The following CPQ variants were observed in gnomAD, a reference collection of about 807,000 sequenced individuals.
CPQ encodes Ser-Met dipeptidase.
Under a neutral mutation model 45.7 loss-of-function variants are expected in CPQ, and 37 were observed. That is an observed-to-expected ratio of 0.81 (90% CI 0.62 to 1.07). The LOEUF (loss-of-function observed/expected upper bound fraction) is 1.07, where lower values mean the gene tolerates loss of function less well. Among genes scored for constraint, CPQ ranks in the 50% least tolerant of loss-of-function variants. CPQ has a pLI of 0.00. For missense variants in CPQ, 537 were observed against 572.9 expected (o/e 0.94, Z 0.64); for synonymous variants, 186 against 205.8 (o/e 0.90, Z 0.82).
chr8:97,062,804 C>T (rs1449968974), intron 6 of CPQ, among the ~76,000 whole-genome samples: 1 of 152,178 alleles, frequency 6.6e-6, no homozygotes, highest in Non-Finnish European at 1.5e-5. Context: ...AGGACATGAT[C>T]TCATTATTTT....
chr8:96,785,479 A>AT, intron 2 of CPQ, 149 bp downstream of exon 2: 2 of 650,104 alleles, frequency 3.1e-6, no homozygotes, highest in Non-Finnish European at 5.0e-6. Context: ...TTGTCCTCCC[A>AT]TTTTTTACTT....
chr8:96,705,515 A>C (rs1460702276), intron 1 of CPQ, among the ~76,000 whole-genome samples: 1 of 152,152 alleles, frequency 6.6e-6, no homozygotes, highest in African/African-American at 2.4e-5. Flanking sequence ...AGCAGATGGG[A>C]AACTTTTTGA....
intron 2 of CPQ, among the ~76,000 whole-genome samples, chr8:96,799,465 T>TTC (rs1200340281): frequency 6.6e-6 from 1 of 152,160 alleles, no homozygotes; most frequent in African/African-American, 2.4e-5. Context: ...GTATTTTTTT[T>TTC]TTAGGGCTTA....
chr8:96,675,170 A>ATGTAGTGAAATGTAG (rs1809059490), intron 1 of CPQ, among the ~76,000 whole-genome samples: 1 of 152,106 alleles, frequency 6.6e-6, no homozygotes, highest in Non-Finnish European at 1.5e-5. Flanking sequence ...ATGTAGTGAA[A>ATGTAGTGAAATGTAG]TGTAAGTTTC....
At position 96,673,531 on chromosome 8, in the gene CPQ, G is replaced by GT. The variant is rs199587940; in HGVS notation, c.-35+28131dup. Reference sequence around the variant, plus strand: ...TTTCATCTGATACCGGAAGGGGTGTGTTGTAAAGGGAGTAGCCTCTGATAC... The same window carrying GT: ...TTTCATCTGATACCGGAAGGGGTGTGTTTGTAAAGGGAGTAGCCTCTGATAC... On this transcript the variant is annotated intron_variant, in intron 1 of 7. Transcript: ENST00000220763. 1.1e-4 allele frequency among the ~76,000 whole-genome samples: 17 copies of GT among 152,250 alleles called. No individual in the cohort carries two copies. The East Asian group carries it at 2.9e-3, about 26-fold the overall frequency.
At chr8:97,045,174 A>G (rs527417501) in intron 6 of CPQ, among the ~76,000 whole-genome samples, 3 of 152,230 alleles carry the variant, frequency 2.0e-5, no homozygotes, top group East Asian at 3.9e-4. Context: ...TTTTTACCTA[A>G]GCAAGCCTGG....
Position 96,944,078 on chromosome 8 carries a change from T to G in CPQ, c.850-21857T>G, listed in dbSNP as rs137931980. 1.8e-3 allele frequency among the ~76,000 whole-genome samples: 275 copies of G among 152,314 alleles called. 1 individual carries two copies. Among genetic ancestry groups the G allele is most frequent in the African/African-American group, 6.4e-3 (266 of 41,576 alleles). Reference sequence around the variant, plus strand: ...AGGCTGGCTTCAATCTCTCTGGAGTTATACAGCCCTTCTGTTAGTCCTGGT... The same window carrying G: ...AGGCTGGCTTCAATCTCTCTGGAGTGATACAGCCCTTCTGTTAGTCCTGGT... On this transcript the variant is annotated intron_variant, in intron 4 of 7. Coordinates refer to ENST00000220763, the MANE Select transcript of CPQ (RefSeq NM_016134.4).
chr8:96,780,633 A>C (rs1810673197), intron 1 of CPQ, among the ~76,000 whole-genome samples: 1 of 151,894 alleles, frequency 6.6e-6, no homozygotes, highest in Admixed American at 6.6e-5. Context: ...AATCAGGTGA[A>C]TATTTTACAC....
chr8:97,051,032 A>C (rs1810351816), intron 6 of CPQ, among the ~76,000 whole-genome samples: 2 of 152,310 alleles, frequency 1.3e-5, no homozygotes, highest in South Asian at 4.2e-4. Context: ...TGCCAGGGTC[A>C]TTTAGCTATT....
intron 7 of CPQ, among the ~76,000 whole-genome samples, chr8:97,069,656 G>A (rs1473993361): frequency 6.6e-6 from 1 of 152,042 alleles, no homozygotes; most frequent in Non-Finnish European, 1.5e-5. Context: ...TACTAATTAA[G>A]TTATCATTTA....
chr8:96,872,265 T>C (rs1812080572), intron 3 of CPQ, among the ~76,000 whole-genome samples: 1 of 151,958 alleles, frequency 6.6e-6, no homozygotes. Context: ...CTGATAATTC[T>C]GTGCATGAAA....
chr8:96,868,756 G>A (rs1193705305), intron 3 of CPQ, among the ~76,000 whole-genome samples: 1 of 151,600 alleles, frequency 6.6e-6, no homozygotes, highest in African/African-American at 2.4e-5. Context: ...GCTTATCATA[G>A]TTTACATACA....
At chr8:97,036,700 C>G (rs2130481065) in intron 6 of CPQ, among the ~76,000 whole-genome samples, 1 of 152,284 alleles carries the variant, frequency 6.6e-6, no homozygotes, top group Middle Eastern at 3.4e-3. Flanking sequence ...AACTGGATTT[C>G]TGGCATTTGT....
chr8:96,832,577 C>G (rs1239393428), intron 2 of CPQ, among the ~76,000 whole-genome samples: 1 of 152,046 alleles, frequency 6.6e-6, no homozygotes, highest in South Asian at 2.1e-4. Flanking sequence ...CAGATATGTC[C>G]CAGGTACTCT....
intron 3 of CPQ, among the ~76,000 whole-genome samples, chr8:96,839,202 T>C (rs1454654121): frequency 6.6e-6 from 1 of 152,116 alleles, no homozygotes; most frequent in East Asian, 1.9e-4. Context: ...TGTGGTGTAA[T>C]CATCAATATC....
At chr8:96,676,255 C>T (rs1234377833) in intron 1 of CPQ, among the ~76,000 whole-genome samples, 1 of 151,994 alleles carries the variant, frequency 6.6e-6, no homozygotes, top group Non-Finnish European at 1.5e-5. Flanking sequence ...CTCTTCATCC[C>T]TCCCACTGCC....
intron 3 of CPQ, among the ~76,000 whole-genome samples, chr8:96,842,180 C>T (rs957976258): frequency 1.3e-5 from 2 of 151,984 alleles, no homozygotes; most frequent in African/African-American, 2.4e-5. Flanking sequence ...CTTGCTTTCC[C>T]CACTCCCTTT....
In CPQ at chr8:96,661,525, T is replaced by G. The variant is rs1459333421; in HGVS notation, c.-35+16123T>G. Among the ~76,000 whole-genome samples, 29 of 152,236 alleles carry G rather than the reference T, an allele frequency of 1.9e-4. 1 individual carries two copies. Among genetic ancestry groups the G allele is most frequent in the Admixed American group, 1.9e-3 (29 of 15,292 alleles). On this transcript the variant is annotated intron_variant, in intron 1 of 7. Coordinates refer to ENST00000220763, the MANE Select transcript of CPQ (RefSeq NM_016134.4). ...TTGCCCTTTCCAAGATGTCATATAGTTGGAATCATACAGTATGTAGTCTTT... is the reference window on the plus strand; with the variant it reads ...TTGCCCTTTCCAAGATGTCATATAGGTGGAATCATACAGTATGTAGTCTTT...
At chr8:97,060,158 T>C (rs949175414) in intron 6 of CPQ, among the ~76,000 whole-genome samples, 3 of 152,182 alleles carry the variant, frequency 2.0e-5, no homozygotes, top group Admixed American at 6.5e-5. Context: ...TCTATGTTTC[T>C]GAAAAGTAGC....
Sources: gnomAD v4.1 joint callset for allele counts (sites outside exome capture counted in the v4.1 genomes callset) on GRCh38, gnomAD v4.1.1 for gene constraint, MANE v1.5 for transcripts, NCBI Gene and HGNC (gene_info 2026-07-23, HGNC 2026-07-21) for gene names.